The following TMEM163 variants were observed in gnomAD, a reference collection of about 807,000 sequenced individuals.
TMEM163 encodes transmembrane protein 163.
Under a neutral mutation model 29.3 loss-of-function variants are expected in TMEM163, and 17 were observed. That is an observed-to-expected ratio of 0.58 (90% CI 0.40 to 0.87). The LOEUF is 0.87. Ranked by LOEUF, TMEM163 falls within the 40% of genes least tolerant of loss-of-function variation. TMEM163 has a pLI of 0.00. For missense variants in TMEM163, 303 were observed against 381.5 expected, an observed-to-expected ratio of 0.79 and a Z score of 1.71; for synonymous variants, 157 against 160.6, an observed-to-expected ratio of 0.98 and a Z score of 0.17.
chr2:134,471,790 T>G (rs571300181), intron 5 of TMEM163, among the ~76,000 whole-genome samples: 1 of 152,290 alleles, frequency 6.6e-6, no homozygotes, highest in Admixed American at 6.5e-5. Flanking sequence ...GTCTGACAGA[T>G]GCATAAACAG....
At chr2:134,463,347 G>A (rs1365205296) in intron 6 of TMEM163, among the ~76,000 whole-genome samples, 1 of 152,198 alleles carries the variant, frequency 6.6e-6, no homozygotes, top group Non-Finnish European at 1.5e-5. Context: ...CATCCCTAAG[G>A]AAAGAAGGGC....
chr2:134,602,449 T>C (rs752144201), intron 2 of TMEM163, among the ~76,000 whole-genome samples: 7 of 152,120 alleles, frequency 4.6e-5, no homozygotes, highest in Non-Finnish European at 7.4e-5. Context: ...GCTTGGAGGA[T>C]TGCTGCCAAG....
chr2:134,515,744 CATAAAA>C (rs1479015910), intron 4 of TMEM163, among the ~76,000 whole-genome samples: 1 of 152,050 alleles, frequency 6.6e-6, no homozygotes, highest in Non-Finnish European at 1.5e-5. Context: ...ATTAGAAATA[CATAAAA>C]ATAAATCTAA....
intron 4 of TMEM163, among the ~76,000 whole-genome samples, chr2:134,508,839 C>T (rs927664793): frequency 5.3e-5 from 8 of 152,018 alleles, no homozygotes; most frequent in African/African-American, 1.5e-4. Context: ...GTTTGTGGAG[C>T]GGGTGAGATT....
chr2:134,671,466 A>AG (rs1683995204), intron 2 of TMEM163, among the ~76,000 whole-genome samples: 1 of 152,094 alleles, frequency 6.6e-6, no homozygotes, highest in Non-Finnish European at 1.5e-5. Flanking sequence ...CTGGCTCTAC[A>AG]GGAACACTGA....
intron 2 of TMEM163, among the ~76,000 whole-genome samples, chr2:134,632,189 C>T (rs903687869): frequency 2.0e-5 from 3 of 152,122 alleles, no homozygotes; most frequent in Admixed American, 6.5e-5. Flanking sequence ...CAGATTAGGA[C>T]CAGTGACTTA....
At chr2:134,521,649 T>C (rs572547569) in intron 4 of TMEM163, among the ~76,000 whole-genome samples, 35 of 152,142 alleles carry the variant, frequency 2.3e-4, no homozygotes, top group African/African-American at 3.6e-4. Flanking sequence ...CAGAACCAAA[T>C]TGGGTAACAT....
rs1306889507 is a variant in TMEM163, at chr2:134,648,544, C to G, written c.322+64656G>C. ...GCCCAGAATTTCCCTACCTCCTGTC[C>G]CTATCACTACCTGATGAGTAGGAAA... On this transcript the variant is annotated intron_variant, in intron 2 of 7. Transcript: ENST00000281924. 1.3e-5 allele frequency among the ~76,000 whole-genome samples: 2 copies of G among 152,108 alleles called. 1 individual carries two copies. Among genetic ancestry groups the G allele is most frequent in the Non-Finnish European group, 2.9e-5 (2 of 68,036 alleles).
intron 4 of TMEM163, among the ~76,000 whole-genome samples, chr2:134,513,868 C>T (rs150387907): frequency 1.1e-4 from 17 of 152,294 alleles, no homozygotes; most frequent in African/African-American, 3.9e-4. Context: ...CAAGATGATT[C>T]GTCCCTGAGC....
chr2:134,527,619 C>G (rs1258376773), intron 4 of TMEM163, among the ~76,000 whole-genome samples: 1 of 152,178 alleles, frequency 6.6e-6, no homozygotes. Flanking sequence ...CTCTCCACTT[C>G]CCGCTCTCCC....
chr2:134,506,433 C>A (rs1380441579), intron 4 of TMEM163, among the ~76,000 whole-genome samples: 1 of 152,182 alleles, frequency 6.6e-6, no homozygotes, highest in Non-Finnish European at 1.5e-5. Flanking sequence ...GCTCATCAGT[C>A]CCCTGGAGGC....
chr2:134,585,569 C>T (rs1558954086), intron 2 of TMEM163, among the ~76,000 whole-genome samples: 2 of 152,034 alleles, frequency 1.3e-5, no homozygotes, highest in Non-Finnish European at 1.5e-5. Context: ...AGTGAAACCC[C>T]GTCTCTACTA....
chr2:134,564,749 A>G (rs2104780050), intron 2 of TMEM163, among the ~76,000 whole-genome samples: 1 of 152,350 alleles, frequency 6.6e-6, no homozygotes, highest in African/African-American at 2.4e-5. Flanking sequence ...ATATGAAAAT[A>G]TACTCTACTT....
intron 2 of TMEM163, among the ~76,000 whole-genome samples, chr2:134,703,017 C>T (rs953655415): frequency 2.0e-5 from 3 of 152,158 alleles, no homozygotes; most frequent in African/African-American, 7.2e-5. Flanking sequence ...AATTTTCTAT[C>T]CAGCTGTCAA....
At chr2:134,568,604 G>T (rs960416697) in intron 2 of TMEM163, among the ~76,000 whole-genome samples, 1 of 111,174 alleles carries the variant, frequency 9.0e-6, no homozygotes, top group Admixed American at 9.9e-5. Flanking sequence ...AAAAAGGAAA[G>T]AAAGAAGGAA....
chr2:134,629,971 G>T (rs915477453), intron 2 of TMEM163, among the ~76,000 whole-genome samples: 5 of 152,132 alleles, frequency 3.3e-5, no homozygotes, highest in East Asian at 1.9e-4. Flanking sequence ...TTAATTAGAG[G>T]ACATGATGAA....
intron 4 of TMEM163, among the ~76,000 whole-genome samples, chr2:134,530,958 A>G (rs530809134): frequency 1.3e-5 from 2 of 152,286 alleles, no homozygotes; most frequent in African/African-American, 4.8e-5. Context: ...AAACTGACAT[A>G]TCCTTTTCTA....
rs1553473781 is a variant in TMEM163, at chr2:134,488,006, T to TTA, written c.555+14894_555+14895insTA. On this transcript the variant is annotated intron_variant, in intron 5 of 7. Coordinates refer to ENST00000281924, the MANE Select transcript of TMEM163 (RefSeq NM_030923.5). The stretch of plus-strand genomic sequence containing the variant: ...AAAACAAACCACCACAATCTCCATT[T>TTA]AAAAAAAAAAAAGACTGATAAATTT... Among the ~76,000 whole-genome samples the TTA allele has an allele frequency of 3.3e-4, 48 of 145,134 alleles. No homozygotes were observed. The South Asian group carries it at 5.0e-3, about 15-fold the overall frequency.
intron 5 of TMEM163, among the ~76,000 whole-genome samples, chr2:134,494,592 C>G (rs1486906457): frequency 6.6e-6 from 1 of 152,100 alleles, no homozygotes; most frequent in East Asian, 1.9e-4. Flanking sequence ...GCCAAAAGGC[C>G]CACCAACTTG....
Sources: gnomAD v4.1 joint callset for allele counts (sites outside exome capture counted in the v4.1 genomes callset) on GRCh38, gnomAD v4.1.1 for gene constraint, MANE v1.5 for transcripts, NCBI Gene and HGNC (gene_info 2026-07-23, HGNC 2026-07-21) for gene names.